Variants in TTLL11 observed in about 807,000 individuals in gnomAD.
TTLL11 encodes the protein tubulin tyrosine ligase like 11.
TTLL11 carries 42 observed loss-of-function variants against 51.7 expected under a neutral mutation model. The ratio of observed to expected loss-of-function variants is 0.81; its 90% CI spans 0.64 to 1.05. The LOEUF (loss-of-function observed/expected upper bound fraction) is 1.05, where lower values mean the gene tolerates loss of function less well. Ranked by LOEUF, TTLL11 falls within the 50% of genes least tolerant of loss-of-function variation. TTLL11 has a pLI of 0.00. For missense variants in TTLL11, 799 were observed against 940.4 expected (o/e 0.85, Z 1.97); for synonymous variants, 381 against 383.5 (o/e 0.99, Z 0.08).
rs1230489015 is a variant in TTLL11, at chr9:121,826,555, G to GTATATATATATATATATATA, written c.1841-3677_1841-3676insTATATATATATATATATATA. Among the ~76,000 whole-genome samples the GTATATATATATATATATATA allele has an allele frequency of 6.2e-4, 30 of 48,110 alleles. 1 individual carries two copies. Among genetic ancestry groups the GTATATATATATATATATATA allele is most frequent in the African/African-American group, 2.7e-3 (29 of 10,548 alleles). The allele number at this position is 48,110 out of a possible 152,430, so 31.6% of individuals were successfully genotyped here. A position where few individuals can be genotyped will look rare whatever the true frequency, so the allele number is the denominator to read the frequency against. On this transcript the variant is annotated intron_variant, in intron 8 of 8. Coordinates refer to ENST00000321582, the MANE Select transcript of TTLL11 (RefSeq NM_001139442.2). ...TGTGTGTGTATATATATATATGTGT[G>GTATATATATATATATATATA]TGTATATATATATATATATATATAT...
chr9:121,931,594 A>G (rs537164065), intron 6 of TTLL11, among the ~76,000 whole-genome samples: 1 of 151,268 alleles, frequency 6.6e-6, no homozygotes, highest in African/African-American at 2.4e-5. Context: ...TAAAAAAAAA[A>G]AAAAAAAAAA....
At chr9:121,920,543 T>C (rs977296932) in intron 6 of TTLL11, among the ~76,000 whole-genome samples, 1 of 152,200 alleles carries the variant, frequency 6.6e-6, no homozygotes, top group African/African-American at 2.4e-5. Context: ...CATTTAGACC[T>C]AGTCTATTTT....
At chr9:121,985,203 G>A (rs1228215805) in intron 4 of TTLL11, among the ~76,000 whole-genome samples, 2 of 152,186 alleles carry the variant, frequency 1.3e-5, no homozygotes, top group Non-Finnish European at 2.9e-5. Flanking sequence ...AAGCGAGAGG[G>A]GCTGTGTGGC....
intron 1 of TTLL11, among the ~76,000 whole-genome samples, chr9:122,056,025 T>A (rs1468830529): frequency 6.6e-6 from 1 of 152,228 alleles, no homozygotes; most frequent in African/African-American, 2.4e-5. Flanking sequence ...CCATTTGCCA[T>A]ATGCAGGATA....
At chr9:122,051,685 C>T (rs1845164482) in intron 1 of TTLL11, among the ~76,000 whole-genome samples, 1 of 152,194 alleles carries the variant, frequency 6.6e-6, no homozygotes, top group African/African-American at 2.4e-5. Context: ...TTCCCACTCG[C>T]TGGTTGAGCT....
At chr9:121,917,228 A>G (rs1222887118) in intron 6 of TTLL11, among the ~76,000 whole-genome samples, 1 of 152,116 alleles carries the variant, frequency 6.6e-6, no homozygotes, top group Non-Finnish European at 1.5e-5. Flanking sequence ...AGTGCTTTTG[A>G]GAGGCCGAGG....
chr9:121,901,356 G>A (rs572231746), intron 6 of TTLL11, among the ~76,000 whole-genome samples: 2 of 151,904 alleles, frequency 1.3e-5, no homozygotes, highest in South Asian at 2.1e-4. Flanking sequence ...GATTGCTCTG[G>A]CTAAGACTAC....
intron 6 of TTLL11, among the ~76,000 whole-genome samples, chr9:121,914,649 C>A (rs920440699): frequency 9.8e-5 from 15 of 152,322 alleles, no homozygotes; most frequent in African/African-American, 3.6e-4. Context: ...CCCAGCACAT[C>A]CTCACGCAGC....
At chr9:122,012,503 T>A (rs560886753) in intron 3 of TTLL11, among the ~76,000 whole-genome samples, 1 of 152,142 alleles carries the variant, frequency 6.6e-6, no homozygotes, top group South Asian at 2.1e-4. Flanking sequence ...AAATTCCACA[T>A]AATAAATCAG....
At chr9:121,847,229 A>T (rs1160724999) in intron 8 of TTLL11, among the ~76,000 whole-genome samples, 2 of 147,312 alleles carry the variant, frequency 1.4e-5, no homozygotes, top group African/African-American at 5.1e-5. Context: ...AAAAAAAAAA[A>T]TCAGAACACA....
intron 6 of TTLL11, among the ~76,000 whole-genome samples, chr9:121,936,034 G>C (rs1443441672): frequency 6.6e-6 from 1 of 152,050 alleles, no homozygotes; most frequent in Non-Finnish European, 1.5e-5. Context: ...AGCTATTAAC[G>C]ACTGCCAAAA....
intron 6 of TTLL11, among the ~76,000 whole-genome samples, chr9:121,881,425 C>T (rs1302829873): frequency 1.3e-5 from 2 of 152,208 alleles, no homozygotes; most frequent in African/African-American, 4.8e-5. Context: ...CCGATGAACC[C>T]TTATTCAGTA....
At chr9:121,921,111 T>C (rs1481631912) in intron 6 of TTLL11, among the ~76,000 whole-genome samples, 1 of 152,230 alleles carries the variant, frequency 6.6e-6, no homozygotes, top group East Asian at 1.9e-4. Flanking sequence ...TTCAAATATT[T>C]ACTGACCAAT....
chr9:121,960,228 T>A (rs1842173296), intron 6 of TTLL11, among the ~76,000 whole-genome samples: 1 of 152,204 alleles, frequency 6.6e-6, no homozygotes, highest in South Asian at 2.1e-4. Context: ...TGTTCTTGTA[T>A]GACTTGCTTC....
At chr9:121,892,370 G>A (rs796696202) in intron 6 of TTLL11, among the ~76,000 whole-genome samples, 2 of 151,882 alleles carry the variant, frequency 1.3e-5, no homozygotes, top group South Asian at 2.1e-4. Flanking sequence ...AATTCCACAT[G>A]GGGGGGTGCT....
chr9:121,983,687 G>A (rs553709444), intron 4 of TTLL11, among the ~76,000 whole-genome samples: 1 of 152,268 alleles, frequency 6.6e-6, no homozygotes, highest in South Asian at 2.1e-4. Context: ...CCCTGACAGG[G>A]TTAGGCAAAG....
At chr9:121,872,107 T>C (rs566628273) in intron 6 of TTLL11, among the ~76,000 whole-genome samples, 17 of 152,262 alleles carry the variant, frequency 1.1e-4, no homozygotes, top group Non-Finnish European at 1.8e-4. Flanking sequence ...AGGCCTGTTC[T>C]CTACTCCTTA....
At chr9:122,071,166 AGGAGAG>A (rs1172616465) in intron 1 of TTLL11, among the ~76,000 whole-genome samples, 1 of 152,130 alleles carries the variant, frequency 6.6e-6, no homozygotes, top group African/African-American at 2.4e-5. Flanking sequence ...CCTTCCCCTT[AGGAGAG>A]GGCGTGCATG....
intron 1 of TTLL11, among the ~76,000 whole-genome samples, chr9:122,067,775 T>C (rs1393261430): frequency 6.6e-6 from 1 of 152,214 alleles, no homozygotes; most frequent in Non-Finnish European, 1.5e-5. Flanking sequence ...AGTGCCGGGA[T>C]TGCAGGTGTG....
Sources: gnomAD v4.1 joint callset for allele counts (sites outside exome capture counted in the v4.1 genomes callset) on GRCh38, gnomAD v4.1.1 for gene constraint, MANE v1.5 for transcripts, NCBI Gene and HGNC (gene_info 2026-07-23, HGNC 2026-07-21) for gene names.